GDA: variants seen among roughly 807,000 people sequenced by gnomAD.
GDA encodes the protein cytoplasmic PSD-95 interactor.
In GDA, 18 loss-of-function variants were observed where a neutral mutation model predicts 59.6. The observed-to-expected ratio is 0.30, with a 90% CI of 0.21 to 0.45. The LOEUF is 0.45. Among genes scored for constraint, GDA ranks in the 20% least tolerant of loss-of-function variants. GDA has a pLI of 1.00. For missense variants in GDA, 427 were observed against 552.3 expected (o/e 0.77, Z 2.27); for synonymous variants, 201 against 201.1 (o/e 1.00, Z 0.00).
At chr9:72,147,690 G>A (rs2130675899), upstream of GDA, among the ~76,000 whole-genome samples, 1 of 151,930 alleles carries the variant, frequency 6.6e-6, no homozygotes, top group African/African-American at 2.4e-5. Context: ...TCTGTTTTAG[G>A]AAAGTAATAC....
intron 7 of GDA, among the ~76,000 whole-genome samples, chr9:72,223,835 A>G (rs949921438): frequency 6.6e-6 from 1 of 152,204 alleles, no homozygotes; most frequent in Non-Finnish European, 1.5e-5. Flanking sequence ...TCCAAGCTTA[A>G]TTACATACTG....
At chr9:72,117,998 C>A (rs573774877) in intron 1 of GDA, among the ~76,000 whole-genome samples, 1 of 151,972 alleles carries the variant, frequency 6.6e-6, no homozygotes, top group African/African-American at 2.4e-5. Context: ...TCAGGCCAGG[C>A]GCGGTGGCTC....
chr9:72,170,268 T>C (rs1829797479), intron 1 of GDA, among the ~76,000 whole-genome samples: 1 of 152,218 alleles, frequency 6.6e-6, no homozygotes, highest in Non-Finnish European at 1.5e-5. Flanking sequence ...ATATTACTTT[T>C]AAAGATAGAA....
chr9:72,253,099 TC>T (rs1157399085), downstream of GDA: 7 of 152,224 alleles, frequency 4.6e-5, no homozygotes, highest in Admixed American at 2.0e-4. Flanking sequence ...TATTATATAT[TC>T]TTTTTTTATT....
At chr9:72,189,061 A>G (rs1832203472) in intron 1 of GDA, among the ~76,000 whole-genome samples, 1 of 151,650 alleles carries the variant, frequency 6.6e-6, no homozygotes, top group Non-Finnish European at 1.5e-5. Flanking sequence ...GTATTCTGGA[A>G]GTAGATAACT....
intron 1 of GDA, among the ~76,000 whole-genome samples, chr9:72,143,462 A>G (rs954803910): frequency 6.6e-6 from 1 of 152,092 alleles, no homozygotes; most frequent in Non-Finnish European, 1.5e-5. Context: ...CTGTCATGGT[A>G]GGAAGCCGGC....
At chr9:72,209,442 G>A (rs1368174161) in intron 3 of GDA, among the ~76,000 whole-genome samples, 5 of 152,024 alleles carry the variant, frequency 3.3e-5, no homozygotes, top group South Asian at 4.2e-4. Flanking sequence ...TACTTTTGGA[G>A]AGCTCCTGCA....
intron 1 of GDA, among the ~76,000 whole-genome samples, chr9:72,185,446 G>A (rs1563978489): frequency 6.6e-6 from 1 of 152,098 alleles, no homozygotes; most frequent in Non-Finnish European, 1.5e-5. Flanking sequence ...GTACTAGTCC[G>A]ACGGGGTTTT....
intron 1 of GDA, among the ~76,000 whole-genome samples, chr9:72,177,928 A>G (rs1830727152): frequency 6.6e-6 from 1 of 152,188 alleles, no homozygotes. Context: ...TAGCTGTATA[A>G]TTACATTTAG....
intron 1 of GDA, 62 bp from the exon 2 acceptor site, chr9:72,195,438 A>T: frequency 1.6e-6 from 1 of 636,812 alleles, no homozygotes. Flanking sequence ...ATATTTAATA[A>T]AAAACAAATG....
chr9:72,231,266 C>T, intron 10 of GDA, 85 bp downstream of exon 10: 2 of 733,174 alleles, frequency 2.7e-6, no homozygotes, highest in Non-Finnish European at 4.8e-6. Flanking sequence ...GGTGACTGTT[C>T]TGTTTAAAAA....
At chr9:72,172,469 T>TA (rs1401288307) in intron 1 of GDA, among the ~76,000 whole-genome samples, 1 of 152,174 alleles carries the variant, frequency 6.6e-6, no homozygotes. Flanking sequence ...GAAGCAGAGC[T>TA]AGGATTCAAA....
chr9:72,123,478 C>T (rs576485773), intron 1 of GDA, among the ~76,000 whole-genome samples: 38 of 141,562 alleles, frequency 2.7e-4, no homozygotes, highest in East Asian at 1.4e-3. Flanking sequence ...CCACCATGCC[C>T]GGCCTTTTTT....
At chr9:72,186,095 A>G (rs997723277) in intron 1 of GDA, among the ~76,000 whole-genome samples, 1 of 152,158 alleles carries the variant, frequency 6.6e-6, no homozygotes, top group Non-Finnish European at 1.5e-5. Context: ...TACCCACTAG[A>G]TGGTGAATGA....
intron 1 of GDA, among the ~76,000 whole-genome samples, chr9:72,163,339 C>T (rs186169401): frequency 7.9e-5 from 12 of 152,036 alleles, no homozygotes; most frequent in Non-Finnish European, 1.5e-4. Flanking sequence ...GCACACAGAC[C>T]GACTGGCCTT....
rs527775094 is a variant in GDA, at chr9:72,249,444, T to C, written c.*1102T>C. The C allele has an allele frequency of 1.6e-4, 141 of 877,406 alleles. 1 individual carries two copies. The African/African-American group carries it at 2.5e-3, about 15-fold the overall frequency. 54.4% of individuals were successfully genotyped at this position (877,406 alleles called of 1,614,324 possible). A position where few individuals can be genotyped will look rare whatever the true frequency, so the allele number is the denominator to read the frequency against. On this transcript the variant is annotated 3_prime_UTR_variant, in exon 14 of 14. Coordinates refer to ENST00000358399, the MANE Select transcript of GDA (RefSeq NM_004293.5). ...GAAAGCACTCTATTTTCTAATTTTA[T>C]CCAGTTTTCTGTTTAACTCCTTATA...
At position 72,250,166 on chromosome 9, in the gene GDA, A is replaced by G. The variant is rs1840547439; in HGVS notation, c.*1824A>G. On this transcript the variant is annotated 3_prime_UTR_variant, in exon 14 of 14. Transcript: ENST00000358399. Reference sequence around the variant, plus strand: ...CAAAAATCTTCAGCTTTATCACTCAACCCCTGCCAAAGGAACTTGATTACA... The same window carrying G: ...CAAAAATCTTCAGCTTTATCACTCAGCCCCTGCCAAAGGAACTTGATTACA... 13 of 984,600 alleles carry G rather than the reference A, an allele frequency of 1.3e-5. No homozygotes were observed. Among genetic ancestry groups the G allele is most frequent in the Non-Finnish European group, 1.6e-5 (13 of 829,278 alleles). The allele number at this position is 984,600 out of a possible 1,614,324, so 61.0% of individuals were successfully genotyped here.
In GDA at chr9:72,117,304, TA is replaced by T. The variant is rs1190242238; in HGVS notation, c.-100+2477del. On this transcript the variant is annotated intron_variant, in intron 1 of 13. Transcript: ENST00000545168. The stretch of plus-strand genomic sequence containing the variant: ...AAAATAAGACAGAATATTAAGGTTT[TA>T]AAAAAGGTTTAATTAATTCAACCTT... 4.6e-5 allele frequency among the ~76,000 whole-genome samples: 7 copies of T among 152,166 alleles called. 1 individual carries two copies. The East Asian group carries it at 1.3e-3, about 29-fold the overall frequency.
chr9:72,196,031 T>C (rs1456933907), intron 2 of GDA, among the ~76,000 whole-genome samples: 4 of 151,916 alleles, frequency 2.6e-5, no homozygotes, highest in Non-Finnish European at 5.9e-5. Context: ...TATTAAGAAG[T>C]AGGGAGGAAA....
Sources: allele counts gnomAD v4.1 joint callset (sites outside exome capture counted in the v4.1 genomes callset), GRCh38; gene constraint gnomAD v4.1.1; transcripts MANE v1.5; gene names NCBI Gene and HGNC (gene_info 2026-07-23, HGNC 2026-07-21).